ATP10B: variants seen among roughly 807,000 people sequenced by gnomAD.
ATP10B encodes ATPase phospholipid transporting 10B (putative), also known as phospholipid-transporting ATPase VB.
A neutral mutation model predicts 141.2 loss-of-function variants in ATP10B; 122 were observed. The ratio of observed to expected loss-of-function variants is 0.86; its 90% CI spans 0.75 to 1.00. The LOEUF (loss-of-function observed/expected upper bound fraction) is 1.00, where lower values mean the gene tolerates loss of function less well. ATP10B is among the 50% of genes least tolerant of loss of function. ATP10B has a pLI of 0.00. For synonymous variants in ATP10B, 685 were observed against 692.0 expected, an observed-to-expected ratio of 0.99 and a Z score of 0.16; for missense variants, 1,876 against 1,825.3, an observed-to-expected ratio of 1.03 and a Z score of -0.51.
chr5:160,761,349 C>T (rs1394308170), intron 2 of ATP10B, among the ~76,000 whole-genome samples: 2 of 152,158 alleles, frequency 1.3e-5, no homozygotes, highest in Non-Finnish European at 2.9e-5. Context: ...GGCTGGAAGA[C>T]CTGAAGATGG....
At chr5:160,868,850 A>G in the ATP10B span, among the ~76,000 whole-genome samples, 5 of 152,192 alleles carry the variant, frequency 3.3e-5, no homozygotes, top group Admixed American at 1.3e-4. Context: ...AGTAGTGGAC[A>G]AAGCCAGGGC....
At chr5:160,656,916 A>G (rs1182436707) in intron 7 of ATP10B, among the ~76,000 whole-genome samples, 2 of 152,206 alleles carry the variant, frequency 1.3e-5, no homozygotes, top group African/African-American at 4.8e-5. Flanking sequence ...TTTACCAAAA[A>G]GACGAGTTGG....
chr5:160,674,348 C>T (rs1362777759), intron 6 of ATP10B, among the ~76,000 whole-genome samples: 2 of 152,180 alleles, frequency 1.3e-5, no homozygotes, highest in Admixed American at 6.5e-5. Context: ...AGATGGAGTG[C>T]TATGGAGAGG....
chr5:160,588,087 A>T (rs1420558612), intron 24 of ATP10B, among the ~76,000 whole-genome samples: 1 of 152,086 alleles, frequency 6.6e-6, no homozygotes, highest in Non-Finnish European at 1.5e-5. Flanking sequence ...TCACCTTGTG[A>T]TCTGCCCACC....
chr5:160,775,343 T>G (rs576083685), intron 2 of ATP10B, among the ~76,000 whole-genome samples: 1 of 152,134 alleles, frequency 6.6e-6, no homozygotes, highest in Non-Finnish European at 1.5e-5. Context: ...TTAGTCAAAG[T>G]CCCACTGCCT....
rs1226414216 is a variant in ATP10B, at chr5:160,632,295, A to G, written c.1454T>C (p.Phe485Ser). 6.2e-7 allele frequency: 1 copy of G among 1,614,172 alleles called. No homozygotes were observed. The highest frequency in any genetic ancestry group is 1.3e-5 in the African/African-American group (1 of 75,040). Residue 485 changes from phenylalanine (F) to serine (S), a missense_variant, in exon 13 of 26, where the codon TTC (phenylalanine) becomes TCC (serine). Phe to Ser is a radical substitution (Grantham distance 155). Transcript: ENST00000327245. ...TGGATCCTGGGCCCATCTAGCCGAG[A>G]AGGACAGGCATTGGTATTGGGTCCA... ...EEWTQYQCLS[F>S]SARWAQDPAT...
chr5:160,572,580 G>A (rs1394271087), intron 24 of ATP10B, among the ~76,000 whole-genome samples: 1 of 152,172 alleles, frequency 6.6e-6, no homozygotes, highest in Admixed American at 6.5e-5. Flanking sequence ...CTTTGAGAAA[G>A]AGGACTGAGT....
chr5:160,831,316 C>T (rs2127976950), intron 1 of ATP10B, among the ~76,000 whole-genome samples: 1 of 152,106 alleles, frequency 6.6e-6, no homozygotes, highest in South Asian at 2.1e-4. Context: ...CTGCACAGAT[C>T]ACTTCTGATA....
At chr5:160,912,469 C>G in the ATP10B span, among the ~76,000 whole-genome samples, 1 of 147,558 alleles carries the variant, frequency 6.8e-6, no homozygotes, top group Non-Finnish European at 1.5e-5. Context: ...CATGGTGGTG[C>G]ACACCTGTAG....
Position 160,564,801 on chromosome 5 carries a change from C to T in ATP10B, c.*652G>A, listed in dbSNP as rs1204304892. On this transcript the variant is annotated 3_prime_UTR_variant, in exon 26 of 26. Transcript: ENST00000327245. ...ATGTCTATTCTTCATGCCTCTTACA[C>T]TAGCTGTGACCCTAAAACACTCAGA... is the stretch of plus-strand genomic sequence containing the variant. The T allele has an allele frequency of 1.3e-5, 2 of 152,374 alleles. No individual in the cohort carries two copies. Among genetic ancestry groups the T allele is most frequent in the Non-Finnish European group, 2.9e-5 (2 of 68,190 alleles). The allele number at this position is 152,374 out of a possible 1,614,324, so 9.4% of individuals were successfully genotyped here.
chr5:160,755,764 G>A (rs1240340560), intron 2 of ATP10B, among the ~76,000 whole-genome samples: 11 of 131,278 alleles, frequency 8.4e-5, no homozygotes, highest in East Asian at 4.8e-4. Flanking sequence ...GCAGTGAGCC[G>A]ACATCCCGCC....
At position 160,617,918 on chromosome 5, in the gene ATP10B, C is replaced by G. The variant is rs765831249; in HGVS notation, c.2472G>C (p.Lys824Asn). The change falls in exon 16 of 26, where the codon AAG becomes AAC. Residue 824 changes from lysine (K) to asparagine (N), a missense_variant. By Grantham distance (94) the Lys-to-Asn change is moderately conservative. Transcript: ENST00000327245. ...KLRKIRARTQ[K>N]HLDLYARDGL... ...CATCTCTTGCATACAAGTCTAGATG[C>G]TTTTGGGTCCGGGCTCGGATTTTTC... is the stretch of plus-strand genomic sequence containing the variant. 3.7e-6 allele frequency: 6 copies of G among 1,614,188 alleles called. No homozygotes were observed. The highest frequency in any genetic ancestry group is 5.1e-6 in the Non-Finnish European group (6 of 1,179,998).
In ATP10B at chr5:160,844,842, A is replaced by G. The variant is rs115211981; in HGVS notation, c.-576+7099T>C. On this transcript the variant is annotated intron_variant, in intron 1 of 25. Coordinates refer to ENST00000327245, the MANE Select transcript of ATP10B (RefSeq NM_025153.3). ...TTACAGGCATGAGACACTGTCCCTG[A>G]CCAATACTTATGTTATAATAACTTA... Among the ~76,000 whole-genome samples the G allele has an allele frequency of 6.0e-3, 914 of 152,182 alleles. 12 individuals are homozygous for G. Among genetic ancestry groups the G allele is most frequent in the African/African-American group, 0.021 (870 of 41,534 alleles).
chr5:160,781,384 C>A (rs1330875922), intron 2 of ATP10B, among the ~76,000 whole-genome samples: 1 of 152,080 alleles, frequency 6.6e-6, no homozygotes, highest in Non-Finnish European at 1.5e-5. Flanking sequence ...TGCTGCTCTA[C>A]GTCCAGGAGC....
chr5:160,595,193 C>G (rs1281492993), intron 22 of ATP10B, among the ~76,000 whole-genome samples: 1 of 152,198 alleles, frequency 6.6e-6, no homozygotes, highest in Non-Finnish European at 1.5e-5. Flanking sequence ...CAAACTGTCT[C>G]TCAGAGCACA....
At chr5:160,781,822 C>T (rs1770739576) in intron 2 of ATP10B, among the ~76,000 whole-genome samples, 1 of 152,026 alleles carries the variant, frequency 6.6e-6, no homozygotes, top group African/African-American at 2.4e-5. Flanking sequence ...AAATGCTGGC[C>T]ATAAAAATAG....
intron 15 of ATP10B, among the ~76,000 whole-genome samples, 189 bp downstream of exon 15, chr5:160,620,158 C>G (rs943085404): frequency 1.3e-5 from 2 of 152,168 alleles, no homozygotes; most frequent in Non-Finnish European, 2.9e-5. Flanking sequence ...CTGTGATTCC[C>G]TAGGTCCAGG....
At position 160,824,338 on chromosome 5, in the gene ATP10B, ATTG is replaced by A. The variant is rs201665051; in HGVS notation, c.-576+27600_-576+27602del. On this transcript the variant is annotated intron_variant, in intron 1 of 25. Transcript: ENST00000327245. ...ACCCCACATTTTTCATTTTTATAAA[ATTG>A]TTGTTCCAGCAGGTACATGGGCATG... 6.0e-3 allele frequency among the ~76,000 whole-genome samples: 913 copies of A among 152,274 alleles called. 9 individuals carry two copies. The highest frequency in any genetic ancestry group is 0.02 in the African/African-American group (822 of 41,548).
the ATP10B span, among the ~76,000 whole-genome samples, chr5:160,873,947 C>A: frequency 3.3e-3 from 501 of 152,372 alleles, 7 homozygotes; most frequent in African/African-American, 0.011. Context: ...AGGCGGCAGC[C>A]AGGCTGGGGG....
Sources: allele counts gnomAD v4.1 joint callset (sites outside exome capture counted in the v4.1 genomes callset), GRCh38; gene constraint gnomAD v4.1.1; transcripts MANE v1.5; gene names NCBI Gene and HGNC (gene_info 2026-07-23, HGNC 2026-07-21).